DIAPH2: variants seen among roughly 807,000 people sequenced by gnomAD.
DIAPH2 encodes diaphanous related formin 2, also known as protein diaphanous homolog 2.
Under a neutral mutation model 92.7 loss-of-function variants are expected in DIAPH2, and 35 were observed. The ratio of observed to expected loss-of-function variants is 0.38; its 90% CI spans 0.29 to 0.50. The LOEUF (loss-of-function observed/expected upper bound fraction) is 0.50. DIAPH2 is among the 20% of genes least tolerant of loss of function. The probability of loss-of-function intolerance (pLI) is 0.94; values close to 1 mark genes in which losing one functional copy is unlikely to be tolerated. For missense variants in DIAPH2, 701 were observed against 819.5 expected, an observed-to-expected ratio of 0.86 and a Z score of 1.77; for synonymous variants, 301 against 280.4, an observed-to-expected ratio of 1.07 and a Z score of -0.73.
chrX:97,296,546 T>C (rs1452522590), intron 23 of DIAPH2, among the ~76,000 whole-genome samples: 1 of 111,954 alleles, frequency 8.9e-6, no homozygotes, highest in African/African-American at 3.2e-5. Flanking sequence ...TGTAAGCATA[T>C]GTTGTTGATG....
chrX:97,207,074 C>G (rs2067803014), intron 22 of DIAPH2, among the ~76,000 whole-genome samples: 2 of 111,209 alleles, frequency 1.8e-5, no homozygotes, highest in South Asian at 7.6e-4. Flanking sequence ...ATTGAACCTA[C>G]TGTTATCTTA....
At chrX:97,551,731 A>C (rs1233343239) in intron 26 of DIAPH2, among the ~76,000 whole-genome samples, 1 of 110,973 alleles carries the variant, frequency 9.0e-6, no homozygotes, top group East Asian at 2.8e-4. Context: ...TTTTAGGAGG[A>C]TCTAGGTAGA....
intron 19 of DIAPH2, among the ~76,000 whole-genome samples, chrX:97,083,542 A>G (rs1602330164): frequency 9.0e-6 from 1 of 110,660 alleles, no homozygotes; most frequent in East Asian, 2.8e-4. Flanking sequence ...TGTCCTGTAC[A>G]TTATAGGATG....
rs1350323356 is a variant in DIAPH2, at chrX:97,596,073, G to A, written c.3242-3180G>A. On this transcript the variant is annotated intron_variant, in intron 26 of 26. Transcript: ENST00000324765. Reference sequence around the variant, plus strand: ...TGATGAACAAAAAGAATCTGTTAGCGCATGCATAGCCGGCTCTGGTAGATT... The same window carrying A: ...TGATGAACAAAAAGAATCTGTTAGCACATGCATAGCCGGCTCTGGTAGATT... Among the ~76,000 whole-genome samples the A allele has an allele frequency of 5.3e-5, 6 of 112,160 alleles. No homozygotes were observed. In the Middle Eastern group the frequency reaches 0.014, roughly 258 times the overall value.
intron 5 of DIAPH2, among the ~76,000 whole-genome samples, chrX:96,883,264 C>CA (rs2065231554): frequency 9.0e-6 from 1 of 111,260 alleles, no homozygotes; most frequent in African/African-American, 3.3e-5. Flanking sequence ...TTTAAAACAA[C>CA]AAAAAATTTT....
chrX:97,436,089 G>C (rs915195836), intron 26 of DIAPH2, among the ~76,000 whole-genome samples: 4 of 111,716 alleles, frequency 3.6e-5, no homozygotes, highest in Admixed American at 1.9e-4. Flanking sequence ...ACAGGCGTGA[G>C]CCACCGTGCC....
chrX:97,507,728 A>G (rs1459590414), intron 26 of DIAPH2, among the ~76,000 whole-genome samples: 4 of 111,819 alleles, frequency 3.6e-5, no homozygotes, highest in Admixed American at 9.6e-5. Flanking sequence ...GAAACGACAA[A>G]TCTTTTGCAT....
chrX:96,729,751 A>C (rs779031204), intron 1 of DIAPH2, among the ~76,000 whole-genome samples: 4 of 112,350 alleles, frequency 3.6e-5, no homozygotes, highest in Non-Finnish European at 5.6e-5. Flanking sequence ...TGTCATAAAA[A>C]TGGTGGAATG....
At chrX:97,302,974 ACT>A (rs2068719646) in intron 23 of DIAPH2, among the ~76,000 whole-genome samples, 1 of 112,314 alleles carries the variant, frequency 8.9e-6, no homozygotes, top group African/African-American at 3.2e-5. Flanking sequence ...ATAGAGTGAG[ACT>A]CTGTCTCCAA....
At chrX:97,563,182 A>T (rs920263684) in intron 26 of DIAPH2, among the ~76,000 whole-genome samples, 4 of 112,353 alleles carry the variant, frequency 3.6e-5, no homozygotes, top group Non-Finnish European at 7.5e-5. Context: ...TAAAAATTTT[A>T]AAAATGAAGT....
At chrX:97,037,511 T>C (rs983864740) in intron 17 of DIAPH2, among the ~76,000 whole-genome samples, 1 of 111,778 alleles carries the variant, frequency 8.9e-6, no homozygotes, top group African/African-American at 3.3e-5. Flanking sequence ...TTAGGAAGCA[T>C]GAGAGATTTT....
At chrX:97,016,756 A>G (rs1048990788) in intron 17 of DIAPH2, among the ~76,000 whole-genome samples, 1 of 112,160 alleles carries the variant, frequency 8.9e-6, no homozygotes, top group African/African-American at 3.2e-5. Flanking sequence ...GTTGTTTCCA[A>G]GCTGTCCCAC....
chrX:96,987,884 G>A (rs1385652927), intron 17 of DIAPH2, among the ~76,000 whole-genome samples: 3 of 111,163 alleles, frequency 2.7e-5, no homozygotes, highest in African/African-American at 9.8e-5. Flanking sequence ...AGTATTCAGA[G>A]TAGTGGAATA....
intron 26 of DIAPH2, among the ~76,000 whole-genome samples, chrX:97,517,917 A>G (rs1345360865): frequency 8.9e-6 from 1 of 112,422 alleles, no homozygotes; most frequent in African/African-American, 3.2e-5. Context: ...AGACCCCAGA[A>G]TAGGTGTCTG....
intron 22 of DIAPH2, among the ~76,000 whole-genome samples, chrX:97,171,074 A>G (rs1395845677): frequency 1.8e-5 from 2 of 110,566 alleles, no homozygotes; most frequent in African/African-American, 6.6e-5. Flanking sequence ...GGGTTTCACC[A>G]TATTGGCCAA....
rs1385364358 is a variant in DIAPH2, at chrX:96,958,106, G to T, written c.1893G>T (p.Met631Ile). ...NLPYGMKQKK[M>I]YKPEVSMKRI... The stretch of plus-strand genomic sequence containing the variant: ...CTTATGGAATGAAGCAGAAAAAAAT[G>T]TATAAACCTGAAGTGTCCATGAAGA... The change falls in exon 16 of 27, where the codon ATG (methionine) becomes ATT (isoleucine). Residue 631 changes from methionine (M) to isoleucine (I), a missense_variant. Met to Ile is a conservative substitution (Grantham distance 10, BLOSUM62 1). Transcript: ENST00000324765. 3 of 1,208,975 alleles carry T rather than the reference G, an allele frequency of 2.5e-6. No individual in the cohort carries two copies. The highest frequency in any genetic ancestry group is 3.4e-6 in the Non-Finnish European group (3 of 894,479).
At chrX:97,460,504 G>C (rs2070449809) in intron 26 of DIAPH2, among the ~76,000 whole-genome samples, 2 of 112,092 alleles carry the variant, frequency 1.8e-5, no homozygotes, top group Admixed American at 1.9e-4. Flanking sequence ...ACAAAGATGA[G>C]CAGAATAGAA....
chrX:96,971,885 G>A (rs2065930025), intron 17 of DIAPH2, among the ~76,000 whole-genome samples: 1 of 111,513 alleles, frequency 9.0e-6, no homozygotes, highest in South Asian at 3.7e-4. Context: ...ATACTAAACT[G>A]CCATTCTTTT....
intron 25 of DIAPH2, among the ~76,000 whole-genome samples, chrX:97,422,077 GAA>G (rs1195983859): frequency 9.0e-6 from 1 of 111,715 alleles, no homozygotes; most frequent in Non-Finnish European, 1.9e-5. Context: ...GGGCAAAAGA[GAA>G]TTTTCTAGAG....
Sources: allele counts gnomAD v4.1 joint callset (sites outside exome capture counted in the v4.1 genomes callset), GRCh38; gene constraint gnomAD v4.1.1; transcripts MANE v1.5; gene names NCBI Gene and HGNC (gene_info 2026-07-23, HGNC 2026-07-21).